The following ECHDC2 variants were observed in gnomAD, a reference collection of about 807,000 sequenced individuals.
ECHDC2 encodes enoyl-CoA hydratase domain-containing protein 2, mitochondrial.
A neutral mutation model predicts 40.6 loss-of-function variants in ECHDC2; 34 were observed. The observed-to-expected ratio is 0.84, with a 90% CI of 0.64 to 1.11. The LOEUF is 1.11. Among genes scored for constraint, ECHDC2 ranks in the 50% most tolerant of loss-of-function variants. ECHDC2 has a pLI of 0.00. For synonymous variants in ECHDC2, 162 were observed against 166.6 expected, an observed-to-expected ratio of 0.97 and a Z score of 0.21; for missense variants, 392 against 400.7, an observed-to-expected ratio of 0.98 and a Z score of 0.19.
intron 3 of ECHDC2, among the ~76,000 whole-genome samples, chr1:52,908,766 TCTA>T (rs1035511456): frequency 1.3e-5 from 2 of 151,492 alleles, no homozygotes; most frequent in African/African-American, 2.4e-5. Flanking sequence ...AAACAGTGTC[TCTA>T]CTAAAAATAC....
At chr1:52,912,341 GGGACT>G in intron 1 of ECHDC2, 1 of 154,728 alleles carries the variant, frequency 6.5e-6, no homozygotes, top group Non-Finnish European at 1.4e-5. Context: ...CAAAATAGCT[GGGACT>G]ATAAGCATGC....
intron 1 of ECHDC2, among the ~76,000 whole-genome samples, chr1:52,918,432 C>T (rs1242872927): frequency 6.6e-6 from 1 of 151,948 alleles, no homozygotes; most frequent in African/African-American, 2.4e-5. Flanking sequence ...GTAGGTATTC[C>T]CGATTGTTAT....
At chr1:52,899,064 G>C in intron 8 of ECHDC2, 110 bp downstream of exon 8, 1 of 1,083,146 alleles carries the variant, frequency 9.2e-7, no homozygotes, top group Non-Finnish European at 1.4e-6. Flanking sequence ...TCTGTTAGAA[G>C]AGTCCACTTC....
At chr1:52,920,627 C>G (rs1651663517) in intron 1 of ECHDC2, 1 of 953,000 alleles carries the variant, frequency 1.0e-6, no homozygotes, top group Non-Finnish European at 1.7e-6. Flanking sequence ...GAGATGGTGA[C>G]CCTTTATTTC....
intron 4 of ECHDC2, 34 bp from the exon 5 acceptor site, chr1:52,906,645 C>T: frequency 6.4e-7 from 1 of 1,560,122 alleles, no homozygotes. Flanking sequence ...GCCTGCAAAG[C>T]CCTGGTGGGA....
At chr1:52,905,293 C>G in intron 5 of ECHDC2, 1 of 593,798 alleles carries the variant, frequency 1.7e-6, no homozygotes, top group Admixed American at 3.0e-5. Context: ...TTCACCATGC[C>G]CCTTTGATGG....
At chr1:52,897,840 G>A (rs1646734748) in intron 8 of ECHDC2, 2 of 389,580 alleles carry the variant, frequency 5.1e-6, no homozygotes, top group Non-Finnish European at 9.7e-6. Flanking sequence ...GAAGTACCAT[G>A]TGTGTGTGAA....
At chr1:52,897,392 G>A (rs1268145982) in intron 9 of ECHDC2, 45 bp downstream of exon 9, 9 of 1,603,034 alleles carry the variant, frequency 5.6e-6, no homozygotes, top group Non-Finnish European at 7.7e-6. Flanking sequence ...CTCTAGCCTG[G>A]CCCAGCCTAT....
intron 9 of ECHDC2, 66 bp from the exon 10 acceptor site, chr1:52,896,663 A>C: frequency 7.5e-7 from 1 of 1,325,376 alleles, no homozygotes; most frequent in Non-Finnish European, 1.1e-6. Flanking sequence ...GAGTTGCTTA[A>C]GCTTGTCCAG....
intron 1 of ECHDC2, among the ~76,000 whole-genome samples, chr1:52,919,428 T>C (rs1385138733): frequency 6.6e-6 from 1 of 152,198 alleles, no homozygotes; most frequent in African/African-American, 2.4e-5. Context: ...AGGTTTGTAT[T>C]CTAGGAGCAA....
At chr1:52,915,287 C>A (rs1261283677) in intron 1 of ECHDC2, 1 of 455,958 alleles carries the variant, frequency 2.2e-6, no homozygotes, top group East Asian at 6.9e-5. Context: ...GGGTCCTCAG[C>A]TTTGTCTGTA....
At position 52,896,542 on chromosome 1, in the gene ECHDC2, G is replaced by A. The variant is rs771706383; in HGVS notation, c.857C>T (p.Thr286Ile). Residue 286 changes from threonine (T) to isoleucine (I), a missense_variant, in exon 10 of 10, where the codon ACT becomes ATT. By Grantham distance (89) the Thr-to-Ile change is moderately conservative (BLOSUM62 -1). Coordinates refer to ENST00000371522, the MANE Select transcript of ECHDC2 (RefSeq NM_001198961.2). ...EGMAAFREKRTPKFVGK is the reference protein window; with the variant it reads ...EGMAAFREKRIPKFVGK ...GGGTCATTTGCCAACAAATTTGGGA[G>A]TCCGCTTCTCCCTGAAGGCTGCCAT... 5 of 1,614,138 alleles carry A rather than the reference G, an allele frequency of 3.1e-6. No homozygotes were observed. Among genetic ancestry groups the A allele is most frequent in the Admixed American group, 3.3e-5 (2 of 60,030 alleles).
intron 7 of ECHDC2, among the ~76,000 whole-genome samples, chr1:52,904,052 G>A (rs1010406664): frequency 2.6e-5 from 4 of 152,026 alleles, no homozygotes; most frequent in Non-Finnish European, 5.9e-5. Context: ...TCCTAACCTC[G>A]TGATACACCC....
chr1:52,896,675 C>G, intron 9 of ECHDC2, 78 bp from the exon 10 acceptor site: 1 of 1,195,582 alleles, frequency 8.4e-7, no homozygotes, highest in South Asian at 1.2e-5. Context: ...CTTGTCCAGC[C>G]CAAGACAAGG....
intron 8 of ECHDC2, 110 bp downstream of exon 8, chr1:52,899,064 G>A: frequency 1.8e-6 from 2 of 1,083,146 alleles, no homozygotes; most frequent in South Asian, 2.6e-5. Context: ...TCTGTTAGAA[G>A]AGTCCACTTC....
At chr1:52,903,981 C>A (rs1647183012) in intron 7 of ECHDC2, among the ~76,000 whole-genome samples, 1 of 152,008 alleles carries the variant, frequency 6.6e-6, no homozygotes, top group African/African-American at 2.4e-5. Flanking sequence ...CCACACCCAG[C>A]TAATTTTTGT....
chr1:52,911,822 A>G (rs770608269), intron 1 of ECHDC2, 32 bp from the exon 2 acceptor site: 4 of 1,612,690 alleles, frequency 2.5e-6, no homozygotes, highest in South Asian at 2.2e-5. Context: ...ACGGGAAAGC[A>G]GCTGGCTCTG....
chr1:52,910,788 G>C (rs1056196096), intron 3 of ECHDC2, among the ~76,000 whole-genome samples: 1 of 152,236 alleles, frequency 6.6e-6, no homozygotes, highest in African/African-American at 2.4e-5. Context: ...GAACGGAAGT[G>C]AGCACAAGAT....
rs59136674 is a variant in ECHDC2 at position 52,896,451 on chromosome 1, C to T, written c.*69G>A. 2.0e-4 allele frequency: 258 copies of T among 1,260,538 alleles called. No homozygotes were observed. The African/African-American group carries it at 3.4e-3, about 16-fold the overall frequency. The allele number at this position is 1,260,538 out of a possible 1,614,324, so 78.1% of individuals were successfully genotyped here. A position where few individuals can be genotyped will look rare whatever the true frequency, so the allele number is the denominator to read the frequency against. On this transcript the variant is annotated 3_prime_UTR_variant, in exon 10 of 10. Coordinates refer to ENST00000371522, the MANE Select transcript of ECHDC2 (RefSeq NM_001198961.2). Reference sequence around the variant, plus strand: ...AGGTGAAATGATGAAGGCAATCTGGCCACAAATCTTCCTTCTGGATCCTGC... The same window carrying T: ...AGGTGAAATGATGAAGGCAATCTGGTCACAAATCTTCCTTCTGGATCCTGC...
Sources: gnomAD v4.1 joint callset for allele counts (sites outside exome capture counted in the v4.1 genomes callset) on GRCh38, gnomAD v4.1.1 for gene constraint, MANE v1.5 for transcripts, NCBI Gene and HGNC (gene_info 2026-07-23, HGNC 2026-07-21) for gene names.